SYNE3: variants seen among roughly 807,000 people sequenced by gnomAD.
SYNE3 encodes the protein spectrin repeat containing nuclear envelope family member 3, also known as nesprin-3.
SYNE3 carries 100 observed loss-of-function variants against 111.2 expected under a neutral mutation model. The ratio of observed to expected loss-of-function variants is 0.90; its 90% CI spans 0.77 to 1.06. The LOEUF (loss-of-function observed/expected upper bound fraction) is 1.06. SYNE3 is among the 50% of genes least tolerant of loss of function. The pLI, the probability that SYNE3 is intolerant of heterozygous loss-of-function variation, is 0.00. For missense variants in SYNE3, 1,160 were observed against 1,240.3 expected, an observed-to-expected ratio of 0.94 and a Z score of 0.97; for synonymous variants, 547 against 533.9, an observed-to-expected ratio of 1.02 and a Z score of -0.34.
rs201240192 is a variant in SYNE3 at position 95,436,968 on chromosome 14, TGTA to T, written c.2387_2389del (p.Leu796del). 514 of 1,611,194 alleles carry T rather than the reference TGTA, an allele frequency of 3.2e-4. 1 individual carries two copies. The African/African-American group carries it at 6.2e-3, about 20-fold the overall frequency. ...ATCTTCATGGCTCCCTTCTTCTTCCTGTAGAAGATTTGCCTGTAGGATCACACA... is the reference window on the plus strand; with the variant it reads ...ATCTTCATGGCTCCCTTCTTCTTCCTGAAGATTTGCCTGTAGGATCACACA... On this transcript the variant is annotated inframe_deletion, in exon 15 of 18. Transcript: ENST00000682763.
intron 5 of SYNE3, among the ~76,000 whole-genome samples, chr14:95,456,728 G>A (rs545565570): frequency 6.3e-4 from 96 of 152,228 alleles, no homozygotes; most frequent in Admixed American, 1.2e-3. Flanking sequence ...TTCTCCTCAC[G>A]GGGGTCTGTG....
Position 95,417,715 on chromosome 14 carries a change from T to C in SYNE3, c.*111A>G, listed in dbSNP as rs1284358678. On this transcript the variant is annotated 3_prime_UTR_variant, in exon 18 of 18. Transcript: ENST00000682763. Reference sequence around the variant, plus strand: ...GACACAGCACTGATATGGATGCAGCTCTGCAGTCTTTGCCCTGCCCCTGTT... The same window carrying C: ...GACACAGCACTGATATGGATGCAGCCCTGCAGTCTTTGCCCTGCCCCTGTT... 8.9e-7 allele frequency: 1 copy of C among 1,118,756 alleles called. No individual in the cohort carries two copies. The highest frequency in any genetic ancestry group is 1.4e-6 in the Non-Finnish European group (1 of 734,494). The allele number at this position is 1,118,756 out of a possible 1,614,324, so 69.3% of individuals were successfully genotyped here.
intron 5 of SYNE3, among the ~76,000 whole-genome samples, chr14:95,456,942 G>A (rs1253089316): frequency 6.6e-6 from 1 of 152,046 alleles, no homozygotes; most frequent in African/African-American, 2.4e-5. Flanking sequence ...AAAATTAGCT[G>A]GGCATGGTGG....
intron 2 of SYNE3, among the ~76,000 whole-genome samples, chr14:95,474,537 T>C (rs1294315224): frequency 2.6e-5 from 4 of 152,098 alleles, no homozygotes; most frequent in African/African-American, 7.2e-5. Context: ...GCAGAGAGCT[T>C]GAACGTGACA....
intron 17 of SYNE3, among the ~76,000 whole-genome samples, chr14:95,419,831 A>ATGATGATGGTGATGG (rs1236877454): frequency 4.1e-5 from 6 of 147,762 alleles, no homozygotes; most frequent in Non-Finnish European, 7.5e-5. Context: ...AGTGATAGAG[A>ATGATGATGGTGATGG]TGATGATGGT....
At chr14:95,420,015 C>A (rs887705062) in intron 17 of SYNE3, among the ~76,000 whole-genome samples, 2 of 91,784 alleles carry the variant, frequency 2.2e-5, no homozygotes, top group Non-Finnish European at 4.7e-5. Context: ...CTCTCTGAGT[C>A]AACTCATGTA....
chr14:95,495,136 A>G (rs1320460920), intron 1 of SYNE3, among the ~76,000 whole-genome samples: 1 of 150,644 alleles, frequency 6.6e-6, no homozygotes, highest in African/African-American at 2.5e-5. Context: ...AGAAAAGAAA[A>G]GAAAGAAAAA....
rs17092280 is a variant in SYNE3, at chr14:95,445,719, G to T, written c.1632+190C>A. Among the ~76,000 whole-genome samples the T allele has an allele frequency of 0.033, 4,994 of 152,328 alleles. 272 individuals are homozygous for T. Among genetic ancestry groups the T allele is most frequent in the African/African-American group, 0.11 (4,716 of 41,544 alleles). On this transcript the variant is annotated intron_variant, in intron 9 of 17. Transcript: ENST00000682763. ...TGGTGGCTAGGAAACCAGTTAGAGGGACCATGCAAGAATCCTACCCAGTTT... is the reference window on the plus strand; with the variant it reads ...TGGTGGCTAGGAAACCAGTTAGAGGTACCATGCAAGAATCCTACCCAGTTT...
At chr14:95,478,196 G>A (rs939526345) in intron 1 of SYNE3, among the ~76,000 whole-genome samples, 5 of 152,182 alleles carry the variant, frequency 3.3e-5, no homozygotes, top group Non-Finnish European at 5.9e-5. Flanking sequence ...AGCCTCCTCT[G>A]CAATTCTGCC....
At position 95,471,861 on chromosome 14, in the gene SYNE3, A is replaced by T. The variant is rs999555867; in HGVS notation, c.144+3817T>A. Among the ~76,000 whole-genome samples, 3 of 152,202 alleles carry T rather than the reference A, an allele frequency of 2.0e-5. No homozygotes were observed. In the East Asian group the frequency reaches 5.8e-4, roughly 29 times the overall value. ...GATCGGATGTAAGGAAACACCTTGG[A>T]GAGAAGTATCAGGAGACCAGGAAAG... is the stretch of plus-strand genomic sequence containing the variant. On this transcript the variant is annotated intron_variant, in intron 2 of 17. Transcript: ENST00000682763.
intron 1 of SYNE3, among the ~76,000 whole-genome samples, chr14:95,490,800 C>G (rs1348244761): frequency 6.6e-6 from 1 of 152,266 alleles, no homozygotes; most frequent in East Asian, 1.9e-4. Context: ...AGGCCTGTGG[C>G]CCTATCGGCA....
At chr14:95,474,705 A>G (rs751855073) in intron 2 of SYNE3, among the ~76,000 whole-genome samples, 1 of 152,210 alleles carries the variant, frequency 6.6e-6, no homozygotes, top group Non-Finnish European at 1.5e-5. Flanking sequence ...CCACTTCCAG[A>G]AAGGGCATGA....
At chr14:95,457,639 C>T (rs1566667073) in intron 4 of SYNE3, among the ~76,000 whole-genome samples, 2 of 152,136 alleles carry the variant, frequency 1.3e-5, no homozygotes, top group Non-Finnish European at 2.9e-5. Context: ...GACTGAGGTG[C>T]GGCAACAGCA....
At chr14:95,472,194 T>C (rs1345250840) in intron 2 of SYNE3, among the ~76,000 whole-genome samples, 1 of 152,132 alleles carries the variant, frequency 6.6e-6, no homozygotes, top group Admixed American at 6.5e-5. Flanking sequence ...GTAAGATATA[T>C]TGAAGGATGA....
intron 6 of SYNE3, 30 bp from the exon 7 acceptor site, chr14:95,452,413 G>A (rs1441510887): frequency 6.3e-7 from 1 of 1,580,368 alleles, no homozygotes; most frequent in Admixed American, 1.7e-5. Context: ...CGCAGCGGGA[G>A]GTGAGGCTCC....
intron 1 of SYNE3, among the ~76,000 whole-genome samples, chr14:95,484,984 G>T (rs550586355): frequency 6.6e-6 from 1 of 152,082 alleles, no homozygotes; most frequent in South Asian, 2.1e-4. Flanking sequence ...TATAAAACTG[G>T]GGGCTAAGAA....
chr14:95,500,901 C>T lies in SYNE3; in HGVS notation c.-15+15695G>A, dbSNP rs1456434738. Reference sequence around the variant, plus strand: ...GGGGCGGTGAAGCGGGAGGGACACACGCTTGCTTCCCACACCAGGCACAAA... The same window carrying T: ...GGGGCGGTGAAGCGGGAGGGACACATGCTTGCTTCCCACACCAGGCACAAA... On this transcript the variant is annotated intron_variant, in intron 1 of 17. Transcript: ENST00000682763. This position sits in a 1 kb window ranked among gnomAD's most constrained non-coding sequence, Gnocchi z 4.7. 7.2e-5 allele frequency among the ~76,000 whole-genome samples: 11 copies of T among 152,222 alleles called. No individual in the cohort carries two copies. The South Asian group carries it at 8.3e-4, about 11-fold the overall frequency.
chr14:95,486,214 A>T (rs1184531873), intron 1 of SYNE3, among the ~76,000 whole-genome samples: 1 of 151,732 alleles, frequency 6.6e-6, no homozygotes, highest in African/African-American at 2.4e-5. Context: ...GCCAGCCCCC[A>T]GGCCCCCATC....
At chr14:95,497,841 A>G (rs1366215366) in intron 1 of SYNE3, among the ~76,000 whole-genome samples, 2 of 152,162 alleles carry the variant, frequency 1.3e-5, no homozygotes, top group African/African-American at 4.8e-5. Flanking sequence ...TGTGCAAATC[A>G]TTCAAAAACT....
Sources: gnomAD v4.1 joint callset for allele counts (sites outside exome capture counted in the v4.1 genomes callset) on GRCh38, gnomAD v4.1.1 for gene constraint, Gnocchi (gnomAD v3.1) non-coding constraint, MANE v1.5 for transcripts, NCBI Gene and HGNC (gene_info 2026-07-23, HGNC 2026-07-21) for gene names.